Variants in LRRC4C observed in about 807,000 individuals in gnomAD.
The protein encoded by LRRC4C is leucine rich repeat containing 4C, also known as leucine-rich repeat-containing protein 4C.
LRRC4C carries 5 observed loss-of-function variants against 33.6 expected under a neutral mutation model. The ratio of observed to expected loss-of-function variants is 0.15; its 90% CI spans 0.08 to 0.31. The LOEUF (loss-of-function observed/expected upper bound fraction) is 0.31, where lower values mean the gene tolerates loss of function less well. Among genes scored for constraint, LRRC4C ranks in the 10% least tolerant of loss-of-function variants. LRRC4C has a pLI of 1.00. For synonymous variants in LRRC4C, 329 were observed against 302.0 expected (o/e 1.09, Z -0.93); for missense variants, 560 against 796.7 (o/e 0.70, Z 3.58).
intron 3 of LRRC4C, among the ~76,000 whole-genome samples, chr11:40,541,450 TC>T (rs1956703935): frequency 6.6e-6 from 1 of 152,122 alleles, no homozygotes; most frequent in Non-Finnish European, 1.5e-5. Flanking sequence ...GTAAAAGCCA[TC>T]TTTTCTATAA....
At chr11:41,353,128 TA>T (rs1304972248) in intron 1 of LRRC4C, among the ~76,000 whole-genome samples, 2 of 151,906 alleles carry the variant, frequency 1.3e-5, no homozygotes, top group Non-Finnish European at 2.9e-5. Context: ...GATAGGCTGT[TA>T]AATAGACTAA....
intron 2 of LRRC4C, among the ~76,000 whole-genome samples, chr11:40,792,027 G>A (rs1950642918): frequency 6.6e-6 from 1 of 151,714 alleles, no homozygotes; most frequent in South Asian, 2.1e-4. Flanking sequence ...ACTCCACCAA[G>A]CGCTCTTAAA....
At chr11:40,505,173 T>C (rs890858561) in intron 3 of LRRC4C, among the ~76,000 whole-genome samples, 2 of 152,180 alleles carry the variant, frequency 1.3e-5, no homozygotes, top group Admixed American at 6.6e-5. Context: ...CTATTCTTAC[T>C]TGGTTGGTGG....
At chr11:41,395,070 A>G (rs953864506) in intron 1 of LRRC4C, among the ~76,000 whole-genome samples, 1 of 151,982 alleles carries the variant, frequency 6.6e-6, no homozygotes, top group Non-Finnish European at 1.5e-5. Flanking sequence ...CACATGTCCC[A>G]TTAACCAGGA....
intron 2 of LRRC4C, among the ~76,000 whole-genome samples, chr11:40,840,702 C>A (rs1395462403): frequency 6.6e-6 from 1 of 152,026 alleles, no homozygotes. Context: ...CTTGAGCTGT[C>A]CATGTTTGAC....
At chr11:41,210,781 AC>A (rs569687588) in intron 1 of LRRC4C, among the ~76,000 whole-genome samples, 3 of 152,210 alleles carry the variant, frequency 2.0e-5, no homozygotes, top group Non-Finnish European at 4.4e-5. Flanking sequence ...TCATTCACAT[AC>A]ATTTAAATCA....
At chr11:40,533,479 T>G (rs992966036) in intron 3 of LRRC4C, among the ~76,000 whole-genome samples, 1 of 202 alleles carries the variant, frequency 5.0e-3, no homozygotes, top group African/African-American at 0.014. Flanking sequence ...TCTGATTGAG[T>G]GTGGGGGAGA....
chr11:40,234,506 T>G (rs1865419395), intron 5 of LRRC4C, among the ~76,000 whole-genome samples: 1 of 152,160 alleles, frequency 6.6e-6, no homozygotes, highest in Non-Finnish European at 1.5e-5. Flanking sequence ...ACCAGGCTCA[T>G]GTCTGCAATC....
chr11:40,534,425 G>T (rs970321063), intron 3 of LRRC4C, among the ~76,000 whole-genome samples: 2 of 152,110 alleles, frequency 1.3e-5, no homozygotes, highest in Non-Finnish European at 2.9e-5. Flanking sequence ...TCATTTAAGT[G>T]AAAGTATAGA....
chr11:41,340,991 C>T (rs1408347131), intron 1 of LRRC4C, among the ~76,000 whole-genome samples: 1 of 152,104 alleles, frequency 6.6e-6, no homozygotes, highest in Non-Finnish European at 1.5e-5. Context: ...TCCCTGTTTT[C>T]AGTGGATGTC....
At chr11:40,391,843 C>T (rs553572676) in intron 3 of LRRC4C, among the ~76,000 whole-genome samples, 7 of 152,210 alleles carry the variant, frequency 4.6e-5, no homozygotes, top group East Asian at 1.9e-4. Context: ...AACCTGTCTG[C>T]GAATGTTCCT....
intron 2 of LRRC4C, among the ~76,000 whole-genome samples, chr11:40,900,287 G>A (rs1015735356): frequency 2.0e-5 from 3 of 152,030 alleles, no homozygotes; most frequent in Non-Finnish European, 2.9e-5. Context: ...GGTTTGAAAC[G>A]TGCCCATCAA....
intron 3 of LRRC4C, among the ~76,000 whole-genome samples, chr11:40,323,002 G>A (rs1333565246): frequency 6.6e-6 from 1 of 152,100 alleles, no homozygotes; most frequent in Non-Finnish European, 1.5e-5. Flanking sequence ...GCATTGTCAT[G>A]GTAACTTTAT....
At chr11:41,097,264 A>G (rs1940867111) in intron 1 of LRRC4C, among the ~76,000 whole-genome samples, 1 of 152,214 alleles carries the variant, frequency 6.6e-6, no homozygotes, top group African/African-American at 2.4e-5. Context: ...AAAGCCTAAG[A>G]TGGTAAACTA....
chr11:40,938,311 G>A (rs1030754690), intron 1 of LRRC4C, among the ~76,000 whole-genome samples: 1 of 152,062 alleles, frequency 6.6e-6, no homozygotes, highest in African/African-American at 2.4e-5. Context: ...TACTGTCACA[G>A]AGAAAAGATC....
At chr11:40,982,158 G>T (rs1852589609) in intron 1 of LRRC4C, among the ~76,000 whole-genome samples, 3 of 152,282 alleles carry the variant, frequency 2.0e-5, no homozygotes, top group Non-Finnish European at 4.4e-5. Flanking sequence ...CTAAGAAATG[G>T]CAGATGTAGA....
chr11:40,825,942 G>C (rs866949984), intron 2 of LRRC4C, among the ~76,000 whole-genome samples: 19 of 38,622 alleles, frequency 4.9e-4, no homozygotes, highest in Admixed American at 1.4e-3. Flanking sequence ...TTGTATTCTG[G>C]GGGGGGGGCG....
At chr11:40,678,265 A>G (rs1299051280) in intron 2 of LRRC4C, among the ~76,000 whole-genome samples, 1 of 152,074 alleles carries the variant, frequency 6.6e-6, no homozygotes, top group Admixed American at 6.6e-5. Flanking sequence ...ACTACCCAGT[A>G]GGTAGAATTT....
chr11:41,233,520 G>A (rs1947890502), intron 1 of LRRC4C, among the ~76,000 whole-genome samples: 2 of 151,896 alleles, frequency 1.3e-5, no homozygotes, highest in South Asian at 4.1e-4. Flanking sequence ...GAGCAGGCTT[G>A]TATAAACTGC....
Sources: allele counts gnomAD v4.1 joint callset (sites outside exome capture counted in the v4.1 genomes callset), GRCh38; gene constraint gnomAD v4.1.1; transcripts MANE v1.5; gene names NCBI Gene and HGNC (gene_info 2026-07-23, HGNC 2026-07-21).